Variants in G3BP1 observed in about 807,000 individuals in gnomAD.
The protein encoded by G3BP1 is ras GTPase-activating protein-binding protein 1.
In G3BP1, 35 loss-of-function variants were observed where a neutral mutation model predicts 58.6. That is an observed-to-expected ratio of 0.60 (90% CI 0.46 to 0.79). The LOEUF (loss-of-function observed/expected upper bound fraction) is 0.79, where lower values mean the gene tolerates loss of function less well. G3BP1 is among the 30% of genes least tolerant of loss of function. G3BP1 has a pLI of 0.00. For missense variants in G3BP1, 523 were observed against 580.8 expected (o/e 0.90, Z 1.02); for synonymous variants, 191 against 195.4 (o/e 0.98, Z 0.19).
intron 4 of G3BP1, among the ~76,000 whole-genome samples, chr5:151,793,174 T>C (rs1221625937): frequency 4.7e-4 from 72 of 152,116 alleles, no homozygotes; most frequent in Admixed American, 4.7e-3. Context: ...AGAGGTGCAG[T>C]CTGGGCTTAC....
chr5:151,775,445 A>G (rs1762352362), intron 1 of G3BP1, among the ~76,000 whole-genome samples: 1 of 152,252 alleles, frequency 6.6e-6, no homozygotes, highest in South Asian at 2.1e-4. Flanking sequence ...AATTGTCAAA[A>G]CTATTTTGAA....
chr5:151,799,663 C>T (rs1010023132), intron 8 of G3BP1, among the ~76,000 whole-genome samples: 9 of 150,206 alleles, frequency 6.0e-5, no homozygotes, highest in Non-Finnish European at 8.9e-5. Flanking sequence ...GCATCATGGG[C>T]GACATACTGA....
chr5:151,803,469 G>C (rs563740237), intron 11 of G3BP1, among the ~76,000 whole-genome samples: 40 of 152,066 alleles, frequency 2.6e-4, no homozygotes, highest in African/African-American at 9.6e-4. Context: ...TGAACTGTGA[G>C]AACTTAGCTG....
intron 1 of G3BP1, among the ~76,000 whole-genome samples, chr5:151,785,358 A>G (rs1443497515): frequency 6.6e-6 from 1 of 152,254 alleles, no homozygotes; most frequent in Non-Finnish European, 1.5e-5. Context: ...CAAAGATGGA[A>G]CTAGATGAGA....
chr5:151,797,238 A>G lies in G3BP1; in HGVS notation c.551A>G (p.Glu184Gly). 3 of 1,613,622 alleles carry G rather than the reference A, an allele frequency of 1.9e-6. 1 individual carries two copies. In the South Asian group the frequency reaches 3.3e-5, roughly 18 times the overall value. Residue 184 changes from glutamate to glycine, a missense_variant, in exon 7 of 12, where the codon GAA (glutamate) becomes GGA (glycine). Glu to Gly is a moderately conservative substitution (Grantham distance 98, BLOSUM62 -2). Transcript: ENST00000356245. Reference protein sequence around the residue: ...YDQAVVSNDMEEHLEEPVAEP... With the variant: ...YDQAVVSNDMGEHLEEPVAEP... ...TTTTCCTGTCAAAGTAATGACATGGAAGAACATTTAGAGGAGCCTGTTGCT... is the reference window on the plus strand; with the variant it reads ...TTTTCCTGTCAAAGTAATGACATGGGAGAACATTTAGAGGAGCCTGTTGCT...
chr5:151,801,616 A>C (rs1263106473), intron 11 of G3BP1, among the ~76,000 whole-genome samples: 1 of 152,118 alleles, frequency 6.6e-6, no homozygotes, highest in East Asian at 1.9e-4. Context: ...TTAATTCCAA[A>C]AGTTTTTTAC....
At chr5:151,792,323 C>T (rs1434884649) in intron 4 of G3BP1, 5 of 222,960 alleles carry the variant, frequency 2.2e-5, no homozygotes, top group Admixed American at 5.6e-5. Flanking sequence ...AAACCTGAAA[C>T]GCCTAAAATC....
rs1762974034 is a variant in G3BP1 at position 151,808,887 on chromosome 5, C to T, written c.*4796C>T. The T allele has an allele frequency of 6.6e-6, 1 of 152,010 alleles. No homozygotes were observed. The highest frequency in any genetic ancestry group is 2.4e-5 in the African/African-American group (1 of 41,414). The allele number at this position is 152,010 out of a possible 1,614,324, so 9.4% of individuals were successfully genotyped here. A position where few individuals can be genotyped will look rare whatever the true frequency, so the allele number is the denominator to read the frequency against. ...TTTTAACTATTGCTGAAGTTAAAAT[C>T]ACTTTGGGGTGGGGTGGGGTGGCTC... On this transcript the variant is annotated 3_prime_UTR_variant, in exon 12 of 12. Transcript: ENST00000356245.
In G3BP1 at chr5:151,794,216, G is replaced by A; in HGVS notation, c.409G>A (p.Val137Ile). The A allele has an allele frequency of 2.5e-6, 4 of 1,610,054 alleles. No homozygotes were observed. The highest frequency in any genetic ancestry group is 3.4e-6 in the Non-Finnish European group (4 of 1,176,402). The change falls in exon 5 of 12, where the codon GTC becomes ATC. Residue 137 changes from valine (V) to isoleucine (I), a missense_variant. Around this residue, in one of 2 missense-constraint regions of G3BP1, gnomAD observed 398 missense variants for 399.1 expected, o/e 1.00. Transcript: ENST00000356245. ...HNDIFRYQDE[V>I]FGGFVTEPQE... ...TGATATCTTCAGATACCAAGATGAG[G>A]TCTTTGGTGGGTTTGTCACTGAGCC...
chr5:151,778,219 G>C (rs1288484830), intron 1 of G3BP1, among the ~76,000 whole-genome samples: 1 of 152,170 alleles, frequency 6.6e-6, no homozygotes, highest in Admixed American at 6.5e-5. Flanking sequence ...CACCAGCGAT[G>C]TTTGGGGGGT....
chr5:151,780,232 T>C (rs1327772087), intron 1 of G3BP1, among the ~76,000 whole-genome samples: 2 of 152,238 alleles, frequency 1.3e-5, no homozygotes, highest in African/African-American at 4.8e-5. Flanking sequence ...TTTAGTACTT[T>C]CCTGAGAATT....
intron 5 of G3BP1, among the ~76,000 whole-genome samples, chr5:151,794,631 A>G (rs1428948890): frequency 6.6e-6 from 1 of 152,244 alleles, no homozygotes; most frequent in African/African-American, 2.4e-5. Context: ...AACAGGCAGT[A>G]AACATGACTA....
rs953917828 is a variant in G3BP1, at chr5:151,811,302, G to C, written c.*7211G>C. On this transcript the variant is annotated 3_prime_UTR_variant, in exon 12 of 12. Transcript: ENST00000356245. ...CCTTATGGGCAGGATCTGTGTCTGA[G>C]TCATCTTTGTATCTTGCCTAGCACC... The C allele has an allele frequency of 6.6e-6, 1 of 152,186 alleles. No individual in the cohort carries two copies. The highest frequency in any genetic ancestry group is 1.5e-5 in the Non-Finnish European group (1 of 68,034). 9.4% of individuals were successfully genotyped at this position (152,186 alleles called of 1,614,324 possible).
chr5:151,801,933 A>G (rs1474256549), intron 11 of G3BP1, among the ~76,000 whole-genome samples: 3 of 151,720 alleles, frequency 2.0e-5, no homozygotes, highest in African/African-American at 4.8e-5. Context: ...TCCTGCCTCA[A>G]CTTCCTGAGT....
At chr5:151,777,379 C>A (rs73281638) in intron 1 of G3BP1, among the ~76,000 whole-genome samples, 2,811 of 152,294 alleles carry the variant, frequency 0.018, 76 homozygotes, top group African/African-American at 0.065. Context: ...AAAAAGACCA[C>A]TTAAATACTA....
At chr5:151,777,078 G>C (rs1762384873) in intron 1 of G3BP1, among the ~76,000 whole-genome samples, 1 of 152,154 alleles carries the variant, frequency 6.6e-6, no homozygotes. Context: ...TGTGAAGGGA[G>C]GTGACAGGTG....
chr5:151,809,447 A>G lies in G3BP1; in HGVS notation c.*5356A>G, dbSNP rs74913040. 2.0e-5 allele frequency: 3 copies of G among 152,348 alleles called. No individual in the cohort carries two copies. Among genetic ancestry groups the G allele is most frequent in the Non-Finnish European group, 4.4e-5 (3 of 68,034 alleles). The allele number at this position is 152,348 out of a possible 1,614,324, so 9.4% of individuals were successfully genotyped here. A position where few individuals can be genotyped will look rare whatever the true frequency, so the allele number is the denominator to read the frequency against. On this transcript the variant is annotated 3_prime_UTR_variant, in exon 12 of 12. Transcript: ENST00000356245. ...TGGATTTTGAAGAAGGATAGGGTGG[A>G]AGTAAAATTTAGCTGATAGCATAGG...
chr5:151,800,482 C>T, intron 10 of G3BP1, 136 bp downstream of exon 10: 1 of 604,786 alleles, frequency 1.7e-6, no homozygotes, highest in South Asian at 2.6e-5. Context: ...TAAAAAGAAA[C>T]TGGATAATTT....
At position 151,804,937 on chromosome 5, in the gene G3BP1, A is replaced by T. The variant is rs946810701; in HGVS notation, c.*846A>T. The T allele has an allele frequency of 2.0e-5, 3 of 152,598 alleles. No homozygotes were observed. The highest frequency in any genetic ancestry group is 2.0e-4 in the Admixed American group (3 of 15,282). The allele number at this position is 152,598 out of a possible 1,614,324, so 9.5% of individuals were successfully genotyped here. On this transcript the variant is annotated 3_prime_UTR_variant, in exon 12 of 12. Coordinates refer to ENST00000356245, the MANE Select transcript of G3BP1 (RefSeq NM_005754.3). ...AGTCTTGGCAATTGTTTAAAAAAAA[A>T]ATCTAGATTTGTTTTATTAGGTTCA...
Sources: allele counts gnomAD v4.1 joint callset (sites outside exome capture counted in the v4.1 genomes callset), GRCh38; gene constraint gnomAD v4.1.1; regional missense constraint gnomAD v4.1.1; transcripts MANE v1.5; gene names NCBI Gene and HGNC (gene_info 2026-07-23, HGNC 2026-07-21).